Variants in CLECL1 observed in about 807,000 individuals in gnomAD.
The protein encoded by CLECL1 is C-type lectin-like domain family 1.
the CLECL1 span, among the ~76,000 whole-genome samples, chr12:9,705,325 A>G: frequency 1.3e-5 from 2 of 151,970 alleles, no homozygotes; most frequent in Admixed American, 6.6e-5. Flanking sequence ...CAGATGCATG[A>G]ATTACAAAAA....
At chr12:9,716,840 C>G in intron 2 of CLECL1, 1 of 923,442 alleles carries the variant, frequency 1.1e-6, no homozygotes. Context: ...GGCAAAACTA[C>G]TGAATGGATT....
upstream of CLECL1, chr12:9,733,271 G>T: frequency 6.3e-7 from 1 of 1,575,418 alleles, no homozygotes; most frequent in South Asian, 1.2e-5. Flanking sequence ...CCATACAGTA[G>T]GTTCTCGTTT....
the CLECL1 span, among the ~76,000 whole-genome samples, chr12:9,704,435 CAT>C: frequency 1.3e-5 from 2 of 152,118 alleles, no homozygotes; most frequent in Non-Finnish European, 2.9e-5. Flanking sequence ...TTCAGAGATA[CAT>C]GTGCAGGATT....
chr12:9,732,821 A>G, intron 1 of CLECL1, 128 bp downstream of exon 1: 1 of 712,382 alleles, frequency 1.4e-6, no homozygotes, highest in Non-Finnish European at 2.3e-6. Context: ...TCTTATTCTT[A>G]GCATTCAATG....
downstream of CLECL1, among the ~76,000 whole-genome samples, chr12:9,713,037 C>T (rs1866210547): frequency 6.6e-6 from 1 of 152,142 alleles, no homozygotes; most frequent in Admixed American, 6.6e-5. Flanking sequence ...AATCTGAGCT[C>T]CCCGAATGCA....
At chr12:9,716,278 GTTC>G (rs1866238964) in exon 3 of CLECL1, 1 of 152,358 alleles carries the variant, frequency 6.6e-6, no homozygotes. Flanking sequence ...CCAGGATCCT[GTTC>G]CTATATCTGT....
chr12:9,730,118 G>C (rs773830929), intron 1 of CLECL1, among the ~76,000 whole-genome samples: 1 of 152,154 alleles, frequency 6.6e-6, no homozygotes. Flanking sequence ...AGAAATGTTA[G>C]AGATTATTTT....
the CLECL1 span, among the ~76,000 whole-genome samples, chr12:9,707,831 GCTAT>G: frequency 6.6e-6 from 1 of 152,116 alleles, no homozygotes; most frequent in Admixed American, 6.6e-5. Context: ...GTTCAAAATG[GCTAT>G]CTCTTTCTTT....
At chr12:9,710,999 C>A (rs1459858372), downstream of CLECL1, among the ~76,000 whole-genome samples, 7 of 152,184 alleles carry the variant, frequency 4.6e-5, no homozygotes, top group Non-Finnish European at 1.5e-5. Flanking sequence ...TGTGATAAGG[C>A]AGGGGTCTAA....
downstream of CLECL1, among the ~76,000 whole-genome samples, chr12:9,710,974 A>T (rs2121030179): frequency 6.6e-6 from 1 of 152,354 alleles, no homozygotes; most frequent in South Asian, 2.1e-4. Context: ...CAGGATACAG[A>T]AAGTCCACTG....
intron 2 of CLECL1, among the ~76,000 whole-genome samples, chr12:9,729,480 G>A (rs758026939): frequency 6.6e-6 from 1 of 152,018 alleles, no homozygotes; most frequent in Non-Finnish European, 1.5e-5. Context: ...TACACTTTTT[G>A]TGAAGTTGTA....
At chr12:9,702,235 C>A in the CLECL1 span, among the ~76,000 whole-genome samples, 1 of 152,004 alleles carries the variant, frequency 6.6e-6, no homozygotes, top group Non-Finnish European at 1.5e-5. Context: ...TGGCTCTCAG[C>A]GGGATAGGGA....
chr12:9,710,986 C>T (rs949150418), downstream of CLECL1, among the ~76,000 whole-genome samples: 3 of 152,212 alleles, frequency 2.0e-5, no homozygotes, highest in Admixed American at 2.0e-4. Flanking sequence ...AGTCCACTGT[C>T]CTTGTGATAA....
At chr12:9,729,671 G>T (rs748706103) in exon 2 of CLECL1, among the ~76,000 whole-genome samples, 1 of 152,116 alleles carries the variant, frequency 6.6e-6, no homozygotes, top group Non-Finnish European at 1.5e-5. Context: ...CCATGGTGGT[G>T]AGAATCTACA....
chr12:9,710,526 C>T, the CLECL1 span, among the ~76,000 whole-genome samples: 5 of 152,336 alleles, frequency 3.3e-5, no homozygotes, highest in Admixed American at 6.5e-5. Flanking sequence ...GCTCCACACT[C>T]ACGGACCTAA....
At chr12:9,715,118 TC>T (rs748186346), downstream of CLECL1, among the ~76,000 whole-genome samples, 16 of 152,178 alleles carry the variant, frequency 1.1e-4, no homozygotes, top group Non-Finnish European at 2.2e-4. Flanking sequence ...CCAAACAGGA[TC>T]TTTTTTATCT....
intron 1 of CLECL1, among the ~76,000 whole-genome samples, chr12:9,732,024 G>A (rs1591721160): frequency 1.3e-5 from 2 of 152,116 alleles, no homozygotes; most frequent in Admixed American, 6.5e-5. Flanking sequence ...AGAAAAGAAA[G>A]CAAGTTAGCC....
intron 3 of CLECL1, among the ~76,000 whole-genome samples, chr12:9,723,485 A>T (rs1367023674): frequency 6.6e-6 from 1 of 152,024 alleles, no homozygotes; most frequent in Non-Finnish European, 1.5e-5. Flanking sequence ...ACCTGAAGCC[A>T]TTGAAGAGTG....
intron 1 of CLECL1, among the ~76,000 whole-genome samples, chr12:9,730,515 C>A (rs10772087): frequency 0.31 from 47,517 of 151,828 alleles, 7,840 homozygotes; most frequent in South Asian, 0.46. Flanking sequence ...GTTTTATGTG[C>A]TGATTATTAT....
Sources: allele counts gnomAD v4.1 joint callset (sites outside exome capture counted in the v4.1 genomes callset), GRCh38; gene constraint gnomAD v4.1.1; transcripts MANE v1.5; gene names NCBI Gene and HGNC (gene_info 2026-07-23, HGNC 2026-07-21).